Variants in CAMTA1 observed in about 807,000 individuals in gnomAD.
CAMTA1 encodes calmodulin binding transcription activator 1.
A neutral mutation model predicts 170.9 loss-of-function variants in CAMTA1; 27 were observed. The observed-to-expected ratio is 0.16, with a 90% confidence interval of 0.12 to 0.22. The LOEUF (loss-of-function observed/expected upper bound fraction) is 0.22, where lower values mean the gene tolerates loss of function less well. CAMTA1 is among the 10% of genes least tolerant of loss of function. The pLI is 1.00. For synonymous variants in CAMTA1, 833 were observed against 891.5 expected (o/e 0.93, Z 1.17); for missense variants, 1,619 against 2,217.2 (o/e 0.73, Z 5.42).
At chr1:7,033,502 G>C (rs1481707425) in intron 3 of CAMTA1, among the ~76,000 whole-genome samples, 2 of 148,508 alleles carry the variant, frequency 1.3e-5, no homozygotes, top group African/African-American at 5.0e-5. Context: ...CTGCTTCTTT[G>C]TATGCCTGGG....
intron 11 of CAMTA1, among the ~76,000 whole-genome samples, chr1:7,683,569 G>A (rs1238339461): frequency 6.6e-6 from 1 of 152,106 alleles, no homozygotes; most frequent in South Asian, 2.1e-4. Context: ...GCATCCACCT[G>A]GAGTGGGGAC....
chr1:7,290,770 C>T (rs906327193), intron 5 of CAMTA1, among the ~76,000 whole-genome samples: 4 of 152,064 alleles, frequency 2.6e-5, no homozygotes, highest in Non-Finnish European at 5.9e-5. Flanking sequence ...GGGGACTCTC[C>T]GACAGATGAC....
intron 7 of CAMTA1, among the ~76,000 whole-genome samples, chr1:7,654,994 CCACA>C (rs1166931626): frequency 1.0e-5 from 1 of 97,514 alleles, no homozygotes; most frequent in African/African-American, 4.1e-5. Context: ...ATACACACAC[CCACA>C]CACACCTATA....
intron 3 of CAMTA1, among the ~76,000 whole-genome samples, chr1:6,941,700 C>A (rs939510743): frequency 6.6e-6 from 1 of 152,184 alleles, no homozygotes; most frequent in East Asian, 1.9e-4. Context: ...GAGAGTCACT[C>A]CTGAAGTATT....
chr1:7,711,750 C>T (rs2096572328), intron 11 of CAMTA1, among the ~76,000 whole-genome samples: 1 of 151,928 alleles, frequency 6.6e-6, no homozygotes. Flanking sequence ...AGCGATGTCA[C>T]TCTAGCCAGA....
chr1:6,926,386 G>A (rs1427897691), intron 3 of CAMTA1, among the ~76,000 whole-genome samples: 1 of 122,546 alleles, frequency 8.2e-6, no homozygotes. Context: ...TTCTTTCTCT[G>A]TCTTCCTTCC....
At chr1:7,594,490 C>G (rs1358065594) in intron 6 of CAMTA1, among the ~76,000 whole-genome samples, 1 of 152,182 alleles carries the variant, frequency 6.6e-6, no homozygotes, top group Non-Finnish European at 1.5e-5. Context: ...GCATTTCAAG[C>G]AGGGCAGTGA....
rs34399218 is a variant in CAMTA1, at chr1:7,221,906, TACAC to T, written c.303-27567_303-27564del. Among the ~76,000 whole-genome samples the T allele has an allele frequency of 1.2e-4, 17 of 147,650 alleles. No homozygotes were observed. In the East Asian group the frequency reaches 1.4e-3, roughly 12 times the overall value. ...GAGGGCATGTGCACAAGCTGGTGCA[TACAC>T]ACACACACACACACACATACACACA... On this transcript the variant is annotated intron_variant, in intron 4 of 22. Transcript: ENST00000303635.
intron 4 of CAMTA1, among the ~76,000 whole-genome samples, chr1:7,145,740 G>T (rs1327377797): frequency 1.3e-5 from 2 of 152,220 alleles, no homozygotes; most frequent in African/African-American, 2.4e-5. Flanking sequence ...CGGGACGATT[G>T]CAGTCATCCG....
intron 3 of CAMTA1, among the ~76,000 whole-genome samples, chr1:6,936,009 G>A (rs1311672696): frequency 1.3e-5 from 2 of 152,162 alleles, no homozygotes; most frequent in South Asian, 4.2e-4. Context: ...ACTGTTTAAG[G>A]TTATGCGCCT....
In CAMTA1 at chr1:7,685,440, G is replaced by C. The variant is rs575861417; in HGVS notation, c.2914+7707G>C. On this transcript the variant is annotated intron_variant, in intron 11 of 22. Coordinates refer to ENST00000303635, the MANE Select transcript of CAMTA1 (RefSeq NM_015215.4). The surrounding 1 kb of genome is among the most constrained non-coding windows in gnomAD (Gnocchi z 5.7). ...TGCCGAGACCACAGCACATCCCTGTGGACCCCACGGCCTGATTGTCTTCAT... is the reference window on the plus strand; with the variant it reads ...TGCCGAGACCACAGCACATCCCTGTCGACCCCACGGCCTGATTGTCTTCAT... 2.2e-4 allele frequency among the ~76,000 whole-genome samples: 33 copies of C among 152,194 alleles called. No individual in the cohort carries two copies. The highest frequency in any genetic ancestry group is 7.7e-4 in the African/African-American group (32 of 41,526).
rs150258747 is a variant in CAMTA1 at position 7,597,578 on chromosome 1, G to GGA, written c.511-42806_511-42805dup. 6.9e-3 allele frequency among the ~76,000 whole-genome samples: 1,034 copies of GGA among 150,800 alleles called. 7 individuals carry two copies. Among genetic ancestry groups the GGA allele is most frequent in the Non-Finnish European group, 0.011 (772 of 67,536 alleles). ...GAACTAATAGGATGTGTATATATAT[G>GGA]GAGAGAGAGAGAGAGAGGAGCATGA... is the stretch of plus-strand genomic sequence containing the variant. On this transcript the variant is annotated intron_variant, in intron 6 of 22. Transcript: ENST00000303635.
At chr1:7,427,755 C>T (rs1169537047) in intron 5 of CAMTA1, among the ~76,000 whole-genome samples, 1 of 152,218 alleles carries the variant, frequency 6.6e-6, no homozygotes, top group East Asian at 1.9e-4. Flanking sequence ...CATTCTGCCG[C>T]CCAGGGACGA....
chr1:7,733,863 G>A (rs892737272), intron 12 of CAMTA1, among the ~76,000 whole-genome samples: 2 of 152,156 alleles, frequency 1.3e-5, no homozygotes, highest in African/African-American at 4.8e-5. Context: ...TCCTCCCCGT[G>A]TTTTCATATT....
chr1:7,527,047 T>A (rs915940031), intron 6 of CAMTA1, among the ~76,000 whole-genome samples: 6 of 152,162 alleles, frequency 3.9e-5, no homozygotes, highest in African/African-American at 1.4e-4. Flanking sequence ...TGACTCTTCC[T>A]GCCCCAGGCC....
At chr1:7,068,438 G>A (rs941724821) in intron 3 of CAMTA1, among the ~76,000 whole-genome samples, 5 of 151,814 alleles carry the variant, frequency 3.3e-5, no homozygotes, top group South Asian at 2.1e-4. Context: ...GACTACCCAC[G>A]GGCTTCTGAG....
At chr1:7,080,066 T>A (rs1344696466) in intron 3 of CAMTA1, among the ~76,000 whole-genome samples, 1 of 152,216 alleles carries the variant, frequency 6.6e-6, no homozygotes, top group Non-Finnish European at 1.5e-5. Flanking sequence ...TTTTATTGTA[T>A]GTAAATTATA....
intron 3 of CAMTA1, among the ~76,000 whole-genome samples, chr1:6,892,679 A>G (rs1339485527): frequency 2.0e-5 from 3 of 149,712 alleles, no homozygotes; most frequent in African/African-American, 7.4e-5. Flanking sequence ...TATAAAAATC[A>G]AATTTTGTCC....
In CAMTA1 at chr1:6,944,802, T is replaced by TA. The variant is rs1687311250; in HGVS notation, c.234+119593dup. ...TCCACTGTACCAATGGTGAAAGTGA[T>TA]ACGCATTCAGTAGAAACCATACTTC... On this transcript the variant is annotated intron_variant, in intron 3 of 22. Transcript: ENST00000303635. 1.3e-5 allele frequency among the ~76,000 whole-genome samples: 2 copies of TA among 152,264 alleles called. 1 individual carries two copies. The highest frequency in any genetic ancestry group is 4.1e-4 in the South Asian group (2 of 4,834).
Sources: gnomAD v4.1 joint callset for allele counts (sites outside exome capture counted in the v4.1 genomes callset) on GRCh38, gnomAD v4.1.1 for gene constraint, Gnocchi (gnomAD v3.1) non-coding constraint, MANE v1.5 for transcripts, NCBI Gene and HGNC (gene_info 2026-07-23, HGNC 2026-07-21) for gene names.